The following FRMD3 variants were observed in gnomAD, a reference collection of about 807,000 sequenced individuals.
FRMD3 encodes the protein FERM domain containing 3, also known as FERM domain-containing protein 3.
Under a neutral mutation model 70.2 loss-of-function variants are expected in FRMD3, and 33 were observed. The ratio of observed to expected loss-of-function variants is 0.47; its 90% CI spans 0.36 to 0.63. FRMD3 has a LOEUF of 0.63. Ranked by LOEUF, FRMD3 falls within the 20% of genes least tolerant of loss-of-function variation. The pLI, the probability that FRMD3 is intolerant of heterozygous loss-of-function variation, is 0.00. For synonymous variants in FRMD3, 279 were observed against 255.9 expected (o/e 1.09, Z -0.86); for missense variants, 632 against 711.4 (o/e 0.89, Z 1.27).
rs576820379 is a variant in FRMD3 at position 83,522,395 on chromosome 9, G to C, written c.147+15690C>G. On this transcript the variant is annotated intron_variant, in intron 1 of 13. Coordinates refer to ENST00000304195, the MANE Select transcript of FRMD3 (RefSeq NM_174938.6). ...GGCGTAGAGAAGCCTTCAGCGGCTG[G>C]GGGGGCAGGGAGCTGTGCCTGTCCC... is the stretch of plus-strand genomic sequence containing the variant. 6.8e-4 allele frequency among the ~76,000 whole-genome samples: 104 copies of C among 152,144 alleles called. 1 individual carries two copies. The highest frequency in any genetic ancestry group is 2.3e-3 in the Admixed American group (35 of 15,290).
intron 6 of FRMD3, among the ~76,000 whole-genome samples, chr9:83,322,238 T>C (rs73463616): frequency 0.12 from 18,590 of 152,090 alleles, 1,332 homozygotes; most frequent in East Asian, 0.23. Context: ...GCTTCCCTGT[T>C]CCTCCTTGGC....
chr9:83,429,773 C>T (rs1477004843), intron 1 of FRMD3, among the ~76,000 whole-genome samples: 1 of 152,126 alleles, frequency 6.6e-6, no homozygotes, highest in African/African-American at 2.4e-5. Context: ...TATTCTTTAT[C>T]CTGGTCCTGG....
chr9:83,284,069 T>A (rs1477918378), intron 13 of FRMD3, among the ~76,000 whole-genome samples: 38 of 150,376 alleles, frequency 2.5e-4, no homozygotes, highest in African/African-American at 7.3e-4. Context: ...TTATTTTTTT[T>A]TTTTTTTTTT....
At chr9:83,249,573 T>C (rs1451286910) in intron 13 of FRMD3, among the ~76,000 whole-genome samples, 1 of 152,182 alleles carries the variant, frequency 6.6e-6, no homozygotes, top group Admixed American at 6.5e-5. Flanking sequence ...AACTTACTGG[T>C]TTTAGCATTC....
At chr9:83,573,232 A>G in the FRMD3 span, among the ~76,000 whole-genome samples, 1 of 152,208 alleles carries the variant, frequency 6.6e-6, no homozygotes, top group Non-Finnish European at 1.5e-5. Context: ...AAGGAAGAAG[A>G]TTCAGAAAAG....
chr9:83,560,675 C>T, the FRMD3 span, among the ~76,000 whole-genome samples: 1 of 152,248 alleles, frequency 6.6e-6, no homozygotes, highest in African/African-American at 2.4e-5. Context: ...CCTTATCAGA[C>T]TACATGTGCC....
chr9:83,584,228 C>T, the FRMD3 span, among the ~76,000 whole-genome samples: 3 of 151,920 alleles, frequency 2.0e-5, no homozygotes, highest in Admixed American at 6.6e-5. Flanking sequence ...CCCAGCTACT[C>T]GGGACCTGGG....
rs1045007990 is a variant in FRMD3 at position 83,479,647 on chromosome 9, G to A, written c.147+58438C>T. On this transcript the variant is annotated intron_variant, in intron 1 of 13. Transcript: ENST00000304195. ...AGAAAGGAAGGAAGGAAGGAAGGAAGGAAGGAAGGAAGGAAGGAAGGAAGG... is the reference window on the plus strand; with the variant it reads ...AGAAAGGAAGGAAGGAAGGAAGGAAAGAAGGAAGGAAGGAAGGAAGGAAGG... Among the ~76,000 whole-genome samples the A allele has an allele frequency of 4.6e-4, 20 of 43,690 alleles. 1 individual carries two copies. The highest frequency in any genetic ancestry group is 2.2e-3 in the African/African-American group (18 of 8,098). The allele number at this position is 43,690 out of a possible 152,430, so 28.7% of individuals were successfully genotyped here. A position where few individuals can be genotyped will look rare whatever the true frequency, so the allele number is the denominator to read the frequency against.
chr9:83,310,427 C>T lies in FRMD3; in HGVS notation c.837+58G>A, dbSNP rs200318709. On this transcript the variant is annotated intron_variant, in intron 9 of 13. Transcript: ENST00000304195. ...TACAATACTAAAGGCATATTTTACT[C>T]CTGAATCTCTCTCATGCACACACAA... The T allele has an allele frequency of 1.0e-4, 139 of 1,358,234 alleles. No individual in the cohort carries two copies. The East Asian group carries it at 1.7e-3, about 17-fold the overall frequency. 84.1% of individuals were successfully genotyped at this position (1,358,234 alleles called of 1,614,324 possible).
chr9:83,258,521 A>G (rs1832829032), intron 13 of FRMD3, among the ~76,000 whole-genome samples: 1 of 152,238 alleles, frequency 6.6e-6, no homozygotes, highest in South Asian at 2.1e-4. Context: ...AGCAGAACAA[A>G]TGCCTTAAAA....
intron 10 of FRMD3, among the ~76,000 whole-genome samples, chr9:83,308,402 A>G (rs1019808602): frequency 6.6e-6 from 1 of 152,188 alleles, no homozygotes; most frequent in Non-Finnish European, 1.5e-5. Context: ...CCAAGCCATC[A>G]TTCTCCTGAT....
At chr9:83,312,046 ATATT>A in intron 7 of FRMD3, 71 bp from the exon 8 acceptor site, 2 of 1,127,176 alleles carry the variant, frequency 1.8e-6, no homozygotes, top group East Asian at 2.6e-5. Flanking sequence ...GATAACCAAT[ATATT>A]TATTCATCCT....
chr9:83,453,816 C>T (rs1049478898), intron 1 of FRMD3, among the ~76,000 whole-genome samples: 2 of 150,296 alleles, frequency 1.3e-5, no homozygotes, highest in African/African-American at 2.4e-5. Context: ...CCCAGGTTCA[C>T]GCCATTCTCT....
upstream of FRMD3, among the ~76,000 whole-genome samples, chr9:83,539,591 G>A (rs902511105): frequency 2.6e-5 from 4 of 152,200 alleles, no homozygotes; most frequent in Non-Finnish European, 4.4e-5. Flanking sequence ...TCGAGGAAGA[G>A]TGGCACACAA....
At chr9:83,529,098 T>C (rs1166375747) in intron 1 of FRMD3, among the ~76,000 whole-genome samples, 1 of 152,248 alleles carries the variant, frequency 6.6e-6, no homozygotes, top group African/African-American at 2.4e-5. Flanking sequence ...CATATGCTTC[T>C]TCATTCAATC....
chr9:83,532,843 G>T (rs1331218720), intron 1 of FRMD3, among the ~76,000 whole-genome samples: 7 of 152,218 alleles, frequency 4.6e-5, no homozygotes, highest in Admixed American at 1.3e-4. Flanking sequence ...AATGCATGAG[G>T]AAATACCTCT....
intron 2 of FRMD3, among the ~76,000 whole-genome samples, chr9:83,376,632 G>C (rs1333762824): frequency 1.4e-5 from 2 of 147,662 alleles, no homozygotes; most frequent in African/African-American, 2.5e-5. Context: ...TTTTTTGGCA[G>C]GGCTTTCTAT....
At chr9:83,266,971 C>T (rs930591803) in intron 13 of FRMD3, 1 of 1,537,710 alleles carries the variant, frequency 6.5e-7, no homozygotes, top group African/African-American at 1.4e-5. Context: ...GAAGCCCGCA[C>T]ACTTCAGGAA....
In FRMD3 at chr9:83,309,598, A is replaced by G; in HGVS notation, c.864T>C (p.Thr288=). The change falls in exon 10 of 14, where the codon ACT becomes ACC. Residue 288 remains threonine (T), a synonymous_variant. Coordinates refer to ENST00000304195, the MANE Select transcript of FRMD3 (RefSeq NM_174938.6). ...GATGTTTGCAGGCAGCTGGTGTTGA[A>G]GTATGGAATGCCAACATGGCTTTTT... ...KEKKAMLAFH[T]STPAACKHLW... 6.3e-7 allele frequency: 1 copy of G among 1,595,092 alleles called. No homozygotes were observed. The highest frequency in any genetic ancestry group is 1.7e-4 in the Middle Eastern group (1 of 5,810).
Sources: allele counts gnomAD v4.1 joint callset (sites outside exome capture counted in the v4.1 genomes callset), GRCh38; gene constraint gnomAD v4.1.1; transcripts MANE v1.5; gene names NCBI Gene and HGNC (gene_info 2026-07-23, HGNC 2026-07-21).